KCNIP4: variants seen among roughly 807,000 people sequenced by gnomAD.
KCNIP4 encodes the protein Kv channel-interacting protein 4.
In KCNIP4, 12 loss-of-function variants were observed where a neutral mutation model predicts 34.0. The ratio of observed to expected loss-of-function variants is 0.35; its 90% confidence interval spans 0.23 to 0.57. KCNIP4 has a LOEUF of 0.57. Among genes scored for constraint, KCNIP4 ranks in the 20% least tolerant of loss-of-function variants. The pLI is 0.83. For synonymous variants in KCNIP4, 124 were observed against 102.2 expected (o/e 1.21, Z -1.29); for missense variants, 238 against 311.7 (o/e 0.76, Z 1.78).
At chr4:21,342,973 T>G (rs1345789805) in intron 1 of KCNIP4, among the ~76,000 whole-genome samples, 1 of 152,016 alleles carries the variant, frequency 6.6e-6, no homozygotes, top group Admixed American at 6.6e-5. Context: ...AACTGTTCAT[T>G]TTTTTTTCTG....
At chr4:21,097,505 G>T (rs890096573) in intron 1 of KCNIP4, among the ~76,000 whole-genome samples, 1 of 152,062 alleles carries the variant, frequency 6.6e-6, no homozygotes, top group Non-Finnish European at 1.5e-5. Context: ...CTCATTTAAA[G>T]TCTCAGTGTC....
At chr4:20,779,709 A>C (rs1756700738) in intron 3 of KCNIP4, among the ~76,000 whole-genome samples, 1 of 152,080 alleles carries the variant, frequency 6.6e-6, no homozygotes, top group African/African-American at 2.4e-5. Context: ...TTGTCCTTAC[A>C]GGAGAGAGGC....
chr4:21,271,994 A>G (rs765282595), intron 1 of KCNIP4, among the ~76,000 whole-genome samples: 14 of 152,342 alleles, frequency 9.2e-5, no homozygotes, highest in Non-Finnish European at 1.6e-4. Flanking sequence ...AATTGTCATT[A>G]CTTAGAAACT....
At chr4:20,969,555 T>TG (rs879833079) in intron 1 of KCNIP4, among the ~76,000 whole-genome samples, 8,871 of 149,372 alleles carry the variant, frequency 0.059, 832 homozygotes, top group African/African-American at 0.21. Flanking sequence ...TGCGTGTGTG[T>TG]TTGTGTGTGT....
intron 1 of KCNIP4, among the ~76,000 whole-genome samples, chr4:21,140,216 T>C (rs1485335780): frequency 2.0e-5 from 3 of 152,122 alleles, no homozygotes; most frequent in Non-Finnish European, 4.4e-5. Flanking sequence ...GGTTACTACC[T>C]GTGTGGCCTT....
intron 1 of KCNIP4, among the ~76,000 whole-genome samples, chr4:21,369,672 CACTT>C (rs1364117012): frequency 6.8e-6 from 1 of 147,148 alleles, no homozygotes; most frequent in East Asian, 2.0e-4. Context: ...GTAGTTGTAG[CACTT>C]ACTTACTATC....
chr4:20,819,244 A>C (rs1433223454), intron 3 of KCNIP4, among the ~76,000 whole-genome samples: 2 of 152,190 alleles, frequency 1.3e-5, no homozygotes, highest in Non-Finnish European at 2.9e-5. Flanking sequence ...GAGATAACAA[A>C]GTTACACTGT....
At position 21,506,963 on chromosome 4, in the gene KCNIP4, G is replaced by T. The variant is rs562081010; in HGVS notation, c.61+441608C>A. Among the ~76,000 whole-genome samples the T allele has an allele frequency of 1.4e-3, 218 of 151,594 alleles. 2 individuals carry two copies. The South Asian group carries it at 0.015, about 10-fold the overall frequency. On this transcript the variant is annotated intron_variant, in intron 1 of 8. Coordinates refer to ENST00000382152, the MANE Select transcript of KCNIP4 (RefSeq NM_025221.6). ...TGCACCACCACATCCGTCTTTTTTT[G>T]TGTGTGTGCAGATGGAGTCTCACTA... is the stretch of plus-strand genomic sequence containing the variant.
At chr4:21,866,719 T>C (rs1266336237) in intron 1 of KCNIP4, among the ~76,000 whole-genome samples, 1 of 150,040 alleles carries the variant, frequency 6.7e-6, no homozygotes, top group Non-Finnish European at 1.5e-5. Context: ...ACTCTCAATC[T>C]AATTCCACAC....
chr4:21,796,412 G>A (rs111473328), intron 1 of KCNIP4, among the ~76,000 whole-genome samples: 1 of 152,034 alleles, frequency 6.6e-6, no homozygotes, highest in Admixed American at 6.5e-5. Flanking sequence ...TCTTTCCTAC[G>A]CCAGACTGTC....
At chr4:21,468,623 A>T (rs372827612) in intron 1 of KCNIP4, among the ~76,000 whole-genome samples, 13 of 152,192 alleles carry the variant, frequency 8.5e-5, no homozygotes, top group Non-Finnish European at 1.3e-4. Context: ...GCCTTATAGG[A>T]TTTGGTGTCA....
chr4:21,691,854 A>G (rs1577855336), intron 1 of KCNIP4, among the ~76,000 whole-genome samples: 2 of 151,982 alleles, frequency 1.3e-5, no homozygotes, highest in East Asian at 3.9e-4. Context: ...ACCCGCCACC[A>G]TGCGCAGCTA....
chr4:21,294,143 G>T (rs1421433867), intron 1 of KCNIP4, among the ~76,000 whole-genome samples: 2 of 152,114 alleles, frequency 1.3e-5, no homozygotes, highest in Non-Finnish European at 2.9e-5. Flanking sequence ...GCTCAACAAA[G>T]TGCTCATTAA....
At chr4:21,245,064 T>A (rs1760102667) in intron 1 of KCNIP4, among the ~76,000 whole-genome samples, 1 of 152,178 alleles carries the variant, frequency 6.6e-6, no homozygotes. Context: ...TGGGTTTTAG[T>A]GTGATGAAGA....
intron 1 of KCNIP4, among the ~76,000 whole-genome samples, chr4:21,133,691 T>A (rs1002814925): frequency 4.6e-5 from 7 of 152,218 alleles, no homozygotes. Flanking sequence ...AAGACAATTT[T>A]AAAAATATTA....
intron 1 of KCNIP4, among the ~76,000 whole-genome samples, chr4:21,233,946 C>CAT (rs1758999841): frequency 7.9e-6 from 1 of 125,910 alleles, no homozygotes; most frequent in African/African-American, 3.0e-5. Flanking sequence ...ATAAATATTA[C>CAT]ATATAACATA....
At position 21,388,372 on chromosome 4, in the gene KCNIP4, G is replaced by C. The variant is rs529648352; in HGVS notation, c.62-505663C>G. ...TTCTAGGCTGTATATGACATAAGAAGTGTCCCTATTTCATAATGAGGCTTT... is the reference window on the plus strand; with the variant it reads ...TTCTAGGCTGTATATGACATAAGAACTGTCCCTATTTCATAATGAGGCTTT... On this transcript the variant is annotated intron_variant, in intron 1 of 8. Transcript: ENST00000382152. Among the ~76,000 whole-genome samples, 10 of 151,796 alleles carry C rather than the reference G, an allele frequency of 6.6e-5. No individual in the cohort carries two copies. The South Asian group carries it at 2.1e-3, about 32-fold the overall frequency.
chr4:21,341,481 A>G (rs1349966981), intron 1 of KCNIP4, among the ~76,000 whole-genome samples: 1 of 152,172 alleles, frequency 6.6e-6, no homozygotes, highest in Non-Finnish European at 1.5e-5. Context: ...TTTATGCAAA[A>G]GTGTCTTCAA....
intron 1 of KCNIP4, among the ~76,000 whole-genome samples, chr4:21,352,588 T>C (rs1157308479): frequency 1.3e-5 from 2 of 152,220 alleles, no homozygotes; most frequent in South Asian, 2.1e-4. Flanking sequence ...ATGTTCACCA[T>C]TGCTGAGGCT....
Sources: allele counts gnomAD v4.1 joint callset (sites outside exome capture counted in the v4.1 genomes callset), GRCh38; gene constraint gnomAD v4.1.1; transcripts MANE v1.5; gene names NCBI Gene and HGNC (gene_info 2026-07-23, HGNC 2026-07-21).